Variants in LCLAT1 observed in about 807,000 individuals in gnomAD.
LCLAT1 encodes the protein lysocardiolipin acyltransferase 1.
In LCLAT1, 11 loss-of-function variants were observed where a neutral mutation model predicts 30.7. The observed-to-expected ratio is 0.36, with a 90% confidence interval of 0.23 to 0.59. The LOEUF (loss-of-function observed/expected upper bound fraction) is 0.59, where lower values mean the gene tolerates loss of function less well. Among genes scored for constraint, LCLAT1 ranks in the 20% least tolerant of loss-of-function variants. The probability of loss-of-function intolerance (pLI) is 0.77; values close to 1 mark genes in which losing one functional copy is unlikely to be tolerated. For synonymous variants in LCLAT1, 155 were observed against 151.3 expected, an observed-to-expected ratio of 1.02 and a Z score of -0.18; for missense variants, 402 against 458.6, an observed-to-expected ratio of 0.88 and a Z score of 1.13.
At chr2:30,572,869 T>G (rs1401969109) in intron 5 of LCLAT1, among the ~76,000 whole-genome samples, 2 of 151,982 alleles carry the variant, frequency 1.3e-5, no homozygotes, top group Non-Finnish European at 2.9e-5. Flanking sequence ...TTCTCTAATC[T>G]TTAAAAAAAA....
At chr2:30,470,989 C>T (rs1425553299) in intron 1 of LCLAT1, among the ~76,000 whole-genome samples, 19 of 149,544 alleles carry the variant, frequency 1.3e-4, no homozygotes, top group African/African-American at 4.4e-4. Context: ...TCTTGGCTCA[C>T]TGCAACCTCT....
intron 5 of LCLAT1, among the ~76,000 whole-genome samples, chr2:30,612,081 A>T (rs1667766153): frequency 6.6e-6 from 1 of 152,158 alleles, no homozygotes; most frequent in Non-Finnish European, 1.5e-5. Context: ...TGGTGGTTCT[A>T]TTTAAAGACA....
At chr2:30,523,394 G>A (rs188136549) in intron 1 of LCLAT1, among the ~76,000 whole-genome samples, 142 of 152,194 alleles carry the variant, frequency 9.3e-4, no homozygotes, top group Admixed American at 1.8e-3. Context: ...CCATGTGTGA[G>A]CTCTGGGAAT....
intron 5 of LCLAT1, among the ~76,000 whole-genome samples, chr2:30,622,992 G>T (rs778095426): frequency 6.6e-6 from 1 of 151,186 alleles, no homozygotes; most frequent in Non-Finnish European, 1.5e-5. Context: ...TCAGAAGTTC[G>T]ACTATTAAGC....
intron 1 of LCLAT1, among the ~76,000 whole-genome samples, chr2:30,524,383 T>C (rs923616900): frequency 2.0e-5 from 3 of 152,232 alleles, no homozygotes; most frequent in South Asian, 2.1e-4. Flanking sequence ...TTCTGGATTT[T>C]AAAAAATTTC....
At chr2:30,567,116 G>A (rs1442899120) in intron 4 of LCLAT1, among the ~76,000 whole-genome samples, 1 of 152,074 alleles carries the variant, frequency 6.6e-6, no homozygotes, top group Non-Finnish European at 1.5e-5. Flanking sequence ...TTTTGTTAGT[G>A]TCTTAGTTTT....
chr2:30,583,335 T>C (rs1666286771), intron 5 of LCLAT1, among the ~76,000 whole-genome samples: 1 of 152,226 alleles, frequency 6.6e-6, no homozygotes, highest in Non-Finnish European at 1.5e-5. Flanking sequence ...TTTAAGATCA[T>C]GGGTTTCGTT....
intron 1 of LCLAT1, among the ~76,000 whole-genome samples, chr2:30,453,614 C>T (rs1681674250): frequency 6.6e-6 from 1 of 152,102 alleles, no homozygotes; most frequent in African/African-American, 2.4e-5. Context: ...GTGATGGGGA[C>T]AGAGTTAAAT....
At position 30,640,295 on chromosome 2, in the gene LCLAT1, G is replaced by C. The variant is rs141993926; in HGVS notation, c.807G>C (p.Arg269=). 61 of 1,614,064 alleles carry C rather than the reference G, an allele frequency of 3.8e-5. No homozygotes were observed. In the African/African-American group the frequency reaches 7.9e-4, roughly 21 times the overall value. Residue 269 remains arginine, a synonymous_variant, in exon 6 of 6, where the codon CGG becomes CGC. Coordinates refer to ENST00000379509, the MANE Select transcript of LCLAT1 (RefSeq NM_001002257.3). ...ACCTTCAACTCTGGTGCCACAAACG[G>C]TGGGAAGAGAAAGAAGAGAGGCTGC... ...KEDLQLWCHK[R]WEEKEERLRS...
chr2:30,641,824 G>C lies in LCLAT1; in HGVS notation c.*1205G>C, dbSNP rs1669320517. Reference sequence around the variant, plus strand: ...GTCAGTGGAAAATCCAGCACACCAAGCACCAGTCTTCTTCTGAGGCAAAAG... The same window carrying C: ...GTCAGTGGAAAATCCAGCACACCAACCACCAGTCTTCTTCTGAGGCAAAAG... On this transcript the variant is annotated 3_prime_UTR_variant, in exon 6 of 6. Coordinates refer to ENST00000379509, the MANE Select transcript of LCLAT1 (RefSeq NM_001002257.3). 1 of 151,796 alleles carries C rather than the reference G, an allele frequency of 6.6e-6. No homozygotes were observed. The highest frequency in any genetic ancestry group is 1.5e-5 in the Non-Finnish European group (1 of 67,912). 9.4% of individuals were successfully genotyped at this position (151,796 alleles called of 1,614,324 possible).
At chr2:30,515,305 A>G (rs1685128139) in intron 1 of LCLAT1, among the ~76,000 whole-genome samples, 1 of 152,190 alleles carries the variant, frequency 6.6e-6, no homozygotes, top group Non-Finnish European at 1.5e-5. Context: ...GTGAATTGCA[A>G]TCATTTATTT....
chr2:30,602,961 T>G (rs1476997012), intron 5 of LCLAT1, among the ~76,000 whole-genome samples: 1 of 152,204 alleles, frequency 6.6e-6, no homozygotes, highest in African/African-American at 2.4e-5. Flanking sequence ...ATTTGAGAAC[T>G]GGAAAGAATT....
chr2:30,644,112 A>G lies in LCLAT1; in HGVS notation c.*3493A>G, dbSNP rs556703732. 1.9e-4 allele frequency: 29 copies of G among 152,178 alleles called. No individual in the cohort carries two copies. Among genetic ancestry groups the G allele is most frequent in the Non-Finnish European group, 3.4e-4 (23 of 68,040 alleles). 9.4% of individuals were successfully genotyped at this position (152,178 alleles called of 1,614,324 possible). A position where few individuals can be genotyped will look rare whatever the true frequency, so the allele number is the denominator to read the frequency against. On this transcript the variant is annotated 3_prime_UTR_variant, in exon 6 of 6. Transcript: ENST00000379509. ...TAAGATCATTATGTGCAAAACACCA[A>G]GTTTTAAAAATAACTCACAGAATGG...
At chr2:30,621,008 C>T (rs892148416) in intron 5 of LCLAT1, among the ~76,000 whole-genome samples, 8 of 152,118 alleles carry the variant, frequency 5.3e-5, no homozygotes, top group African/African-American at 9.7e-5. Context: ...CCTGAATCCA[C>T]GATGATCTCA....
At chr2:30,455,058 A>G (rs1007506699) in intron 1 of LCLAT1, among the ~76,000 whole-genome samples, 2 of 152,234 alleles carry the variant, frequency 1.3e-5, no homozygotes, top group African/African-American at 4.8e-5. Flanking sequence ...TGAGTAGGCT[A>G]ATCTTCAGGG....
In LCLAT1 at chr2:30,641,894, TTC is replaced by T. The variant is rs1491052400; in HGVS notation, c.*1277_*1278del. On this transcript the variant is annotated 3_prime_UTR_variant, in exon 6 of 6. Coordinates refer to ENST00000379509, the MANE Select transcript of LCLAT1 (RefSeq NM_001002257.3). ...CTCTGTTGGAGCTGCACACTTTTTT[TTC>T]TTTTTTTTTTTCTTTTTTTTTTTGT... 3 of 99,578 alleles carry T rather than the reference TTC, an allele frequency of 3.0e-5. No homozygotes were observed. In the Admixed American group the frequency reaches 4.1e-4, roughly 14 times the overall value. The allele number at this position is 99,578 out of a possible 1,614,324, so 6.2% of individuals were successfully genotyped here.
At position 30,520,165 on chromosome 2, in the gene LCLAT1, C is replaced by T. The variant is rs998293347; in HGVS notation, c.-4-5422C>T. ...GTTCCATTCCTTGGAATCCGTGAGGCCAAGAACCCCCCAGGTCAGAGAGCA... is the reference window on the plus strand; with the variant it reads ...GTTCCATTCCTTGGAATCCGTGAGGTCAAGAACCCCCCAGGTCAGAGAGCA... On this transcript the variant is annotated intron_variant, in intron 1 of 5. Transcript: ENST00000379509. 2.0e-5 allele frequency among the ~76,000 whole-genome samples: 3 copies of T among 152,164 alleles called. No individual in the cohort carries two copies. In the East Asian group the frequency reaches 5.8e-4, roughly 29 times the overall value.
intron 1 of LCLAT1, among the ~76,000 whole-genome samples, chr2:30,484,996 A>G (rs1205444168): frequency 2.0e-5 from 3 of 152,176 alleles, no homozygotes; most frequent in Non-Finnish European, 4.4e-5. Context: ...CTTAAGCAGA[A>G]GGTTTATTAA....
chr2:30,519,709 C>G (rs529750565), intron 1 of LCLAT1, among the ~76,000 whole-genome samples: 1 of 152,152 alleles, frequency 6.6e-6, no homozygotes, highest in Non-Finnish European at 1.5e-5. Flanking sequence ...TGAGAGCACC[C>G]GGGGAGGGAC....
Sources: gnomAD v4.1 joint callset for allele counts (sites outside exome capture counted in the v4.1 genomes callset) on GRCh38, gnomAD v4.1.1 for gene constraint, MANE v1.5 for transcripts, NCBI Gene and HGNC (gene_info 2026-07-23, HGNC 2026-07-21) for gene names.